The following CSMD1 variants were observed in gnomAD, a reference collection of about 807,000 sequenced individuals.
CSMD1 encodes the protein CUB and sushi domain-containing protein 1.
Under a neutral mutation model 417.5 loss-of-function variants are expected in CSMD1, and 213 were observed. That is an observed-to-expected ratio of 0.51 (90% CI 0.46 to 0.57). The LOEUF is 0.57. CSMD1 is among the 20% of genes least tolerant of loss of function. The pLI is 0.00. For missense variants in CSMD1, 6,923 were observed against 4,529.7 expected, an observed-to-expected ratio of 1.53 and a Z score of -15.17; for synonymous variants, 2,862 against 1,736.8, an observed-to-expected ratio of 1.65 and a Z score of -16.11.
At chr8:3,901,424 T>C (rs1807743773) in intron 5 of CSMD1, among the ~76,000 whole-genome samples, 1 of 152,234 alleles carries the variant, frequency 6.6e-6, no homozygotes, top group Non-Finnish European at 1.5e-5. Flanking sequence ...TCCGTGCTGA[T>C]GCATTTTTTG....
intron 3 of CSMD1, among the ~76,000 whole-genome samples, chr8:4,187,008 A>G (rs1250121981): frequency 1.3e-5 from 2 of 152,120 alleles, no homozygotes; most frequent in Non-Finnish European, 2.9e-5. Context: ...AAATAAAATA[A>G]CAAGTGTTCT....
intron 2 of CSMD1, among the ~76,000 whole-genome samples, chr8:4,442,050 C>G (rs1014550793): frequency 6.6e-6 from 1 of 152,002 alleles, no homozygotes; most frequent in Admixed American, 6.6e-5. Context: ...GTCTGGAAAC[C>G]CATTTTGTTT....
chr8:3,420,157 C>T (rs185137572), intron 12 of CSMD1, among the ~76,000 whole-genome samples: 1 of 152,004 alleles, frequency 6.6e-6, no homozygotes, highest in Admixed American at 6.6e-5. Flanking sequence ...CAAGCTAAGT[C>T]CTCAAAATTA....
chr8:4,703,033 T>C (rs1807684854), intron 1 of CSMD1, among the ~76,000 whole-genome samples: 1 of 152,220 alleles, frequency 6.6e-6, no homozygotes, highest in South Asian at 2.1e-4. Context: ...GATATTTTTA[T>C]TTATAATGTT....
At chr8:4,506,094 T>C (rs1295794626) in intron 2 of CSMD1, among the ~76,000 whole-genome samples, 2 of 152,182 alleles carry the variant, frequency 1.3e-5, no homozygotes, top group Non-Finnish European at 2.9e-5. Flanking sequence ...CAAAATTAAT[T>C]ACCACAATAG....
intron 3 of CSMD1, among the ~76,000 whole-genome samples, chr8:4,162,688 T>G (rs369294916): frequency 5.6e-4 from 86 of 152,284 alleles, no homozygotes; most frequent in African/African-American, 1.9e-3. Context: ...CCTCCCCAAC[T>G]ATCAACATCC....
intron 10 of CSMD1, among the ~76,000 whole-genome samples, 198 bp downstream of exon 10, chr8:3,574,747 G>T (rs548565101): frequency 6.6e-6 from 1 of 152,222 alleles, no homozygotes; most frequent in African/African-American, 2.4e-5. Context: ...GCACCACAGT[G>T]AGAATACTCA....
At chr8:3,937,445 C>T (rs1810575495) in intron 5 of CSMD1, among the ~76,000 whole-genome samples, 1 of 152,150 alleles carries the variant, frequency 6.6e-6, no homozygotes, top group Non-Finnish European at 1.5e-5. Flanking sequence ...ACCCTGATCA[C>T]TGATCATCCA....
rs948150179 is a variant in CSMD1 at position 4,856,818 on chromosome 8, G to T, written c.85+137514C>A. Among the ~76,000 whole-genome samples the T allele has an allele frequency of 2.8e-3, 417 of 151,340 alleles. 3 individuals are homozygous for T. Among genetic ancestry groups the T allele is most frequent in the African/African-American group, 9.7e-3 (399 of 41,174 alleles). ...TTAGACTCCCACACATTAATAATGG[G>T]AGACTTTAACACCCCACTGTCAACA... On this transcript the variant is annotated intron_variant, in intron 1 of 69. Coordinates refer to ENST00000635120, the MANE Select transcript of CSMD1 (RefSeq NM_033225.6).
intron 1 of CSMD1, among the ~76,000 whole-genome samples, chr8:4,987,803 T>G (rs556513486): frequency 3.3e-5 from 5 of 152,212 alleles, no homozygotes; most frequent in Admixed American, 3.3e-4. Flanking sequence ...GCCCACATGC[T>G]GAGTCTTCAG....
intron 30 of CSMD1, among the ~76,000 whole-genome samples, chr8:3,213,366 C>T (rs1797718461): frequency 6.6e-6 from 1 of 152,100 alleles, no homozygotes; most frequent in South Asian, 2.1e-4. Context: ...GGGTCCACAG[C>T]CTGAGGAGTG....
chr8:4,361,202 A>G (rs909275661), intron 3 of CSMD1, among the ~76,000 whole-genome samples: 1 of 152,206 alleles, frequency 6.6e-6, no homozygotes, highest in African/African-American at 2.4e-5. Flanking sequence ...TAAATTAGAC[A>G]ACTGGTTTTC....
At chr8:3,712,310 C>T (rs148285628) in intron 6 of CSMD1, among the ~76,000 whole-genome samples, 4 of 152,098 alleles carry the variant, frequency 2.6e-5, no homozygotes, top group African/African-American at 9.6e-5. Flanking sequence ...CACACCCTTC[C>T]CTCGCCTCTT....
chr8:3,597,451 G>A (rs886374779), intron 8 of CSMD1, among the ~76,000 whole-genome samples: 4 of 152,086 alleles, frequency 2.6e-5, no homozygotes, highest in African/African-American at 9.7e-5. Context: ...AAGACCTAGA[G>A]AAGTTATTTT....
At chr8:4,015,523 G>A (rs951895493) in intron 4 of CSMD1, among the ~76,000 whole-genome samples, 3 of 151,976 alleles carry the variant, frequency 2.0e-5, no homozygotes, top group Admixed American at 1.3e-4. Flanking sequence ...GCAACAATGG[G>A]CCTACACTAT....
intron 2 of CSMD1, among the ~76,000 whole-genome samples, chr8:4,525,394 C>A (rs371584181): frequency 1.3e-3 from 191 of 152,288 alleles, no homozygotes; most frequent in African/African-American, 4.4e-3. Context: ...CACAGCTGAA[C>A]CACCAACTGT....
chr8:3,244,304 T>A (rs986140417), intron 26 of CSMD1, among the ~76,000 whole-genome samples: 1 of 152,030 alleles, frequency 6.6e-6, no homozygotes, highest in Non-Finnish European at 1.5e-5. Flanking sequence ...TTCACTGGAG[T>A]CAGGCTGCGG....
chr8:4,824,837 A>T lies in CSMD1; in HGVS notation c.85+169495T>A, dbSNP rs558912488. ...ACCAGGTATATAGCCTATATTTAAG[A>T]AACAATCTGTATCTCCAAGTGAAAT... On this transcript the variant is annotated intron_variant, in intron 1 of 69. Transcript: ENST00000635120. Among the ~76,000 whole-genome samples the T allele has an allele frequency of 1.4e-4, 21 of 152,286 alleles. 1 individual carries two copies. In the South Asian group the frequency reaches 4.3e-3, roughly 32 times the overall value.
chr8:4,210,146 C>G (rs953982021), intron 3 of CSMD1, among the ~76,000 whole-genome samples: 1 of 152,336 alleles, frequency 6.6e-6, no homozygotes, highest in East Asian at 1.9e-4. Flanking sequence ...TTTCTCCTGT[C>G]ACTGTGTGTC....
Sources: gnomAD v4.1 joint callset for allele counts (sites outside exome capture counted in the v4.1 genomes callset) on GRCh38, gnomAD v4.1.1 for gene constraint, MANE v1.5 for transcripts, NCBI Gene and HGNC (gene_info 2026-07-23, HGNC 2026-07-21) for gene names.